The following HECTD2 variants were observed in gnomAD, a reference collection of about 807,000 sequenced individuals.
The protein encoded by HECTD2 is HECT domain E3 ubiquitin protein ligase 2.
HECTD2 carries 35 observed loss-of-function variants against 103.2 expected under a neutral mutation model. The ratio of observed to expected loss-of-function variants is 0.34; its 90% CI spans 0.26 to 0.45. The LOEUF (loss-of-function observed/expected upper bound fraction) is 0.45. HECTD2 is among the 20% of genes least tolerant of loss of function. HECTD2 has a pLI of 1.00. For missense variants in HECTD2, 596 were observed against 937.4 expected, an observed-to-expected ratio of 0.64 and a Z score of 4.76; for synonymous variants, 281 against 329.9, an observed-to-expected ratio of 0.85 and a Z score of 1.61.
At chr10:91,497,472 T>A (rs1306008208) in intron 15 of HECTD2, among the ~76,000 whole-genome samples, 1 of 110,054 alleles carries the variant, frequency 9.1e-6, no homozygotes, top group African/African-American at 4.3e-5. Context: ...TTTTTTTTTT[T>A]TTTTTTTTTT....
intron 2 of HECTD2, among the ~76,000 whole-genome samples, chr10:91,453,545 T>C (rs1844928183): frequency 6.6e-6 from 1 of 152,116 alleles, no homozygotes; most frequent in Admixed American, 6.6e-5. Context: ...GTATATGTAA[T>C]GTAATATCTA....
intron 1 of HECTD2, among the ~76,000 whole-genome samples, chr10:91,416,759 A>C (rs906415913): frequency 6.6e-6 from 1 of 152,074 alleles, no homozygotes. Flanking sequence ...TACTTTCCTT[A>C]ACAGCCTTCT....
intron 2 of HECTD2, among the ~76,000 whole-genome samples, chr10:91,434,302 C>T (rs893181368): frequency 6.6e-6 from 1 of 152,008 alleles, no homozygotes; most frequent in East Asian, 1.9e-4. Flanking sequence ...CCTGCCACTA[C>T]TGAAGCAGTC....
At chr10:91,485,538 G>C (rs1846235959) in intron 10 of HECTD2, 2 of 368,244 alleles carry the variant, frequency 5.4e-6, no homozygotes, top group African/African-American at 2.2e-5. Context: ...TTCAAGAAGG[G>C]AGAGGTTCTA....
intron 2 of HECTD2, among the ~76,000 whole-genome samples, chr10:91,458,528 T>C (rs1222192992): frequency 3.3e-5 from 5 of 152,000 alleles, no homozygotes; most frequent in Admixed American, 2.6e-4. Flanking sequence ...TGGTTTTTAT[T>C]ATATAGCTAC....
At chr10:91,426,657 A>G (rs1843572723) in intron 2 of HECTD2, among the ~76,000 whole-genome samples, 1 of 151,466 alleles carries the variant, frequency 6.6e-6, no homozygotes, top group Admixed American at 6.6e-5. Flanking sequence ...TCTAATTTCT[A>G]TCTACTCCAT....
At chr10:91,431,424 C>T (rs1208059968) in intron 2 of HECTD2, among the ~76,000 whole-genome samples, 1 of 152,050 alleles carries the variant, frequency 6.6e-6, no homozygotes, top group Non-Finnish European at 1.5e-5. Flanking sequence ...TGAATGTTGG[C>T]CTGCCTTGCT....
At chr10:91,512,225 T>A (rs12245101) in intron 20 of HECTD2, 39 bp from the exon 21 acceptor site, 62,139 of 1,601,262 alleles carry the variant, frequency 0.039, 2,318 homozygotes, top group African/African-American at 0.19. Context: ...TTTGTGTGTG[T>A]TTCAAGACTT....
At chr10:91,481,217 T>C in intron 7 of HECTD2, 78 bp downstream of exon 7, 1 of 641,990 alleles carries the variant, frequency 1.6e-6, no homozygotes, top group Non-Finnish European at 2.6e-6. Context: ...TGATATTAAA[T>C]ATTAAATATC....
At chr10:91,500,915 C>G (rs944306971) in intron 19 of HECTD2, among the ~76,000 whole-genome samples, 4 of 152,132 alleles carry the variant, frequency 2.6e-5, no homozygotes, top group Admixed American at 2.6e-4. Context: ...AGTTTAATAG[C>G]ACTATGTTGA....
intron 20 of HECTD2, among the ~76,000 whole-genome samples, chr10:91,510,425 G>C (rs1847377122): frequency 6.6e-6 from 1 of 152,132 alleles, no homozygotes; most frequent in South Asian, 2.1e-4. Context: ...TGAAGCCCCT[G>C]ATGGATTAAG....
chr10:91,429,093 G>T (rs894960893), intron 2 of HECTD2, among the ~76,000 whole-genome samples: 6 of 152,066 alleles, frequency 3.9e-5, no homozygotes, highest in African/African-American at 1.2e-4. Flanking sequence ...ATGAAGGGTT[G>T]TTGAATTTTG....
upstream of HECTD2, chr10:91,410,228 G>A (rs1271544893): frequency 6.6e-6 from 1 of 151,942 alleles, no homozygotes; most frequent in Non-Finnish European, 1.5e-5. Flanking sequence ...GGGACCTGTG[G>A]GGAGCCGCGT....
chr10:91,496,794 G>GA (rs1846683090), intron 15 of HECTD2, among the ~76,000 whole-genome samples: 3 of 151,732 alleles, frequency 2.0e-5, no homozygotes, highest in Non-Finnish European at 4.4e-5. Flanking sequence ...GTAAAATATA[G>GA]AAAATCATTC....
rs1844218050 is a variant in HECTD2, at chr10:91,438,172, G to T, written c.268+12762G>T. Reference sequence around the variant, plus strand: ...TAGGTATACACGTGCAATGGTGGTTGCCTGCACCCATCAACCCGTCATCTA... The same window carrying T: ...TAGGTATACACGTGCAATGGTGGTTTCCTGCACCCATCAACCCGTCATCTA... On this transcript the variant is annotated intron_variant, in intron 2 of 20. Coordinates refer to ENST00000298068, the MANE Select transcript of HECTD2 (RefSeq NM_182765.6). Among the ~76,000 whole-genome samples the T allele has an allele frequency of 3.3e-5, 5 of 151,680 alleles. No individual in the cohort carries two copies. In the South Asian group the frequency reaches 1.0e-3, roughly 31 times the overall value.
At chr10:91,427,744 A>G (rs373237698) in intron 2 of HECTD2, among the ~76,000 whole-genome samples, 1 of 152,036 alleles carries the variant, frequency 6.6e-6, no homozygotes, top group East Asian at 1.9e-4. Flanking sequence ...GATTCTGGAT[A>G]TTAGCCCTTT....
intron 7 of HECTD2, among the ~76,000 whole-genome samples, chr10:91,481,391 T>C (rs968451083): frequency 4.6e-5 from 7 of 151,804 alleles, no homozygotes; most frequent in Non-Finnish European, 5.9e-5. Flanking sequence ...CTAAATTACA[T>C]GTGAGATTAA....
At chr10:91,489,157 T>G (rs550892965) in intron 11 of HECTD2, 7 of 152,318 alleles carry the variant, frequency 4.6e-5, no homozygotes, top group African/African-American at 1.7e-4. Flanking sequence ...TTTTGTGGAA[T>G]TTTTCTTCTA....
At chr10:91,473,200 C>T (rs771656865) in intron 5 of HECTD2, among the ~76,000 whole-genome samples, 37 of 151,992 alleles carry the variant, frequency 2.4e-4, no homozygotes, top group Non-Finnish European at 2.5e-4. Context: ...AATAAAGATA[C>T]CTTATAAGTA....
Sources: gnomAD v4.1 joint callset for allele counts (sites outside exome capture counted in the v4.1 genomes callset) on GRCh38, gnomAD v4.1.1 for gene constraint, MANE v1.5 for transcripts, NCBI Gene and HGNC (gene_info 2026-07-23, HGNC 2026-07-21) for gene names.